Variants in CENPO observed in about 807,000 individuals in gnomAD.
CENPO encodes centromeric protein O.
CENPO carries 30 observed loss-of-function variants against 36.1 expected under a neutral mutation model. The observed-to-expected ratio is 0.83, with a 90% CI of 0.62 to 1.13. CENPO has a LOEUF of 1.13. Ranked by LOEUF, CENPO falls within the 50% of genes most tolerant of loss-of-function variation. The pLI is 0.00. For synonymous variants in CENPO, 171 were observed against 142.3 expected (o/e 1.20, Z -1.44); for missense variants, 349 against 357.8 (o/e 0.98, Z 0.20).
chr2:24,795,125 A>G (rs1665836347), intron 2 of CENPO, among the ~76,000 whole-genome samples: 1 of 152,224 alleles, frequency 6.6e-6, no homozygotes, highest in Non-Finnish European at 1.5e-5. Flanking sequence ...CCTGTTCTCT[A>G]GTCCAGGCCT....
intron 3 of CENPO, among the ~76,000 whole-genome samples, chr2:24,811,607 G>A (rs1334020881): frequency 6.6e-6 from 1 of 152,180 alleles, no homozygotes; most frequent in East Asian, 1.9e-4. Context: ...GACTACAGGC[G>A]CCCGCCACCA....
Position 24,820,951 on chromosome 2 carries a change from AAC to A in CENPO, c.*1637_*1638del. The A allele has an allele frequency of 6.7e-7, 1 of 1,486,148 alleles. No homozygotes were observed. The allele number at this position is 1,486,148 out of a possible 1,614,324, so 92.1% of individuals were successfully genotyped here. A position where few individuals can be genotyped will look rare whatever the true frequency, so the allele number is the denominator to read the frequency against. On this transcript the variant is annotated 3_prime_UTR_variant, in exon 8 of 8. Coordinates refer to ENST00000380834, the MANE Select transcript of CENPO (RefSeq NM_001322101.2). ...ACCTGTACCACAAAGCTCCTAATGTAACACATCATTGTCCTCATTCAACTTGG... is the reference window on the plus strand; with the variant it reads ...ACCTGTACCACAAAGCTCCTAATGTAACATCATTGTCCTCATTCAACTTGG...
Position 24,817,674 on chromosome 2 carries a change from G to C in CENPO, c.771G>C (p.Val257=). The change falls in exon 7 of 8, where the codon GTG becomes GTC. Residue 257 remains valine, a synonymous_variant. Coordinates refer to ENST00000380834, the MANE Select transcript of CENPO (RefSeq NM_001322101.2). The part of the protein sequence containing the change: ...PTDVTVTCQG[V]EVLSTSWEEQ... ...TGATGGAATCTTTCTTTTTAGGAGTGGAAGTATTATCCACTTCATGGGAGG... is the reference window on the plus strand; with the variant it reads ...TGATGGAATCTTTCTTTTTAGGAGTCGAAGTATTATCCACTTCATGGGAGG... The C allele has an allele frequency of 6.2e-7, 1 of 1,614,026 alleles. No individual in the cohort carries two copies. Among genetic ancestry groups the C allele is most frequent in the Non-Finnish European group, 8.5e-7 (1 of 1,180,030 alleles).
At chr2:24,810,417 TA>T (rs1371078269) in intron 3 of CENPO, among the ~76,000 whole-genome samples, 1 of 151,888 alleles carries the variant, frequency 6.6e-6, no homozygotes, top group African/African-American at 2.4e-5. Flanking sequence ...CCCTCATCTT[TA>T]AAACAAAATT....
chr2:24,805,546 C>T lies in CENPO; in HGVS notation c.216+5702C>T, dbSNP rs187430731. On this transcript the variant is annotated intron_variant, in intron 3 of 7. Transcript: ENST00000380834. ...GTTTGTTAGTTTTCCTTCTAACAGT[C>T]GGGACCCTCAGCTGCAGGTCTGTTG... 4.8e-3 allele frequency among the ~76,000 whole-genome samples: 730 copies of T among 152,298 alleles called. 8 individuals carry two copies. Among genetic ancestry groups the T allele is most frequent in the African/African-American group, 0.016 (662 of 41,560 alleles).
In CENPO at chr2:24,815,520, C is replaced by T. The variant is rs1455886774; in HGVS notation, c.358C>T (p.Arg120Ter). Residue 120 changes from arginine (R) to a stop codon, truncating the protein, a stop_gained, in exon 5 of 8, where the codon CGA (arginine) becomes TGA (stop). Coordinates refer to ENST00000380834, the MANE Select transcript of CENPO (RefSeq NM_001322101.2). LOFTEE classifies it high-confidence loss of function. ...AGGCCTCAGTGGTAAACTGACCAGC[C>T]GAGGAGTTTGTGTCTGCATCAGTAC... ...FTGLSGKLTS[R>*]GVCVCISTAF... 4.3e-6 allele frequency: 7 copies of T among 1,613,700 alleles called. No individual in the cohort carries two copies. The highest frequency in any genetic ancestry group is 1.3e-5 in the African/African-American group (1 of 75,000).
intron 3 of CENPO, among the ~76,000 whole-genome samples, chr2:24,812,381 A>G (rs1308327129): frequency 1.3e-5 from 2 of 151,972 alleles, no homozygotes; most frequent in Admixed American, 6.5e-5. Context: ...ATTTTAGATC[A>G]ATGTGGCTAA....
At chr2:24,793,621 A>G in intron 1 of CENPO, 120 bp downstream of exon 1, 2 of 1,424,446 alleles carry the variant, frequency 1.4e-6, no homozygotes, top group Admixed American at 5.6e-5. Context: ...GCTGGACCAG[A>G]GTAGCCGTGG....
At chr2:24,809,453 TAC>T (rs1666576695) in intron 3 of CENPO, among the ~76,000 whole-genome samples, 1 of 152,158 alleles carries the variant, frequency 6.6e-6, no homozygotes, top group Non-Finnish European at 1.5e-5. Flanking sequence ...TTCTCTTAAA[TAC>T]ATTTAAAGTT....
chr2:24,819,888 T>TA lies in CENPO; in HGVS notation c.*573dup. ...CGGGACTTCCTTCAGTTTCAAAAAA[T>TA]AAATTCTCCCTTCCGGTTTGGACTG... On this transcript the variant is annotated 3_prime_UTR_variant, in exon 8 of 8. Coordinates refer to ENST00000380834, the MANE Select transcript of CENPO (RefSeq NM_001322101.2). 1.9e-6 allele frequency: 3 copies of TA among 1,592,444 alleles called. No homozygotes were observed. The highest frequency in any genetic ancestry group is 2.6e-6 in the Non-Finnish European group (3 of 1,168,200).
intron 3 of CENPO, among the ~76,000 whole-genome samples, chr2:24,807,653 A>T (rs796317064): frequency 1.7e-4 from 26 of 152,366 alleles, no homozygotes; most frequent in African/African-American, 6.3e-4. Flanking sequence ...TATATTGGGT[A>T]TATGCCTAGT....
chr2:24,796,322 C>G (rs994606244), intron 2 of CENPO, among the ~76,000 whole-genome samples: 1 of 152,054 alleles, frequency 6.6e-6, no homozygotes, highest in Non-Finnish European at 1.5e-5. Context: ...CCACTGCACT[C>G]CAGCTTGGGC....
Position 24,815,581 on chromosome 2 carries a change from T to C in CENPO, c.419T>C (p.Val140Ala). 1 of 1,614,112 alleles carries C rather than the reference T, an allele frequency of 6.2e-7. No individual in the cohort carries two copies. Among genetic ancestry groups the C allele is most frequent in the Non-Finnish European group, 8.5e-7 (1 of 1,179,936 alleles). ...GGGAACCTATTGGATTCCTATTTTG[T>C]GGACCTTGTCATACAGAAACCACTC... ...FEGNLLDSYF[V>A]DLVIQKPLRI... The change falls in exon 5 of 8, where the codon GTG (valine) becomes GCG (alanine). Residue 140 changes from valine (V) to alanine (A), a missense_variant. Coordinates refer to ENST00000380834, the MANE Select transcript of CENPO (RefSeq NM_001322101.2).
rs760295988 is a variant in CENPO, at chr2:24,820,315, G to C, written c.*997G>C. 3.4e-5 allele frequency: 45 copies of C among 1,304,660 alleles called. No homozygotes were observed. Among genetic ancestry groups the C allele is most frequent in the South Asian group, 6.7e-5 (3 of 44,972 alleles). The allele number at this position is 1,304,660 out of a possible 1,614,324, so 80.8% of individuals were successfully genotyped here. A position where few individuals can be genotyped will look rare whatever the true frequency, so the allele number is the denominator to read the frequency against. ...AGGAGAACCCTGGAGTGACTGGCTG[G>C]GGGCCTCCTCTCATCCAGAGACTTC... On this transcript the variant is annotated 3_prime_UTR_variant, in exon 8 of 8. Coordinates refer to ENST00000380834, the MANE Select transcript of CENPO (RefSeq NM_001322101.2).
Position 24,821,737 on chromosome 2 carries a change from A to C in CENPO, c.*2419A>C. 2.0e-6 allele frequency: 3 copies of C among 1,523,764 alleles called. No homozygotes were observed. Among genetic ancestry groups the C allele is most frequent in the Non-Finnish European group, 2.7e-6 (3 of 1,131,844 alleles). 94.4% of individuals were successfully genotyped at this position (1,523,764 alleles called of 1,614,324 possible). On this transcript the variant is annotated 3_prime_UTR_variant, in exon 8 of 8. Transcript: ENST00000380834. Reference sequence around the variant, plus strand: ...GCAGTGTTCTGGGGGTGGATTCCCTACACCTAGATGTTCAAGGCCTTACTT... The same window carrying C: ...GCAGTGTTCTGGGGGTGGATTCCCTCCACCTAGATGTTCAAGGCCTTACTT...
chr2:24,800,507 T>G (rs1334515482), intron 3 of CENPO, among the ~76,000 whole-genome samples: 2 of 119,074 alleles, frequency 1.7e-5, no homozygotes, highest in Admixed American at 1.1e-4. Context: ...CCCCGGTGTG[T>G]GATGTTCCCC....
At chr2:24,813,444 T>C (rs1183190457) in intron 3 of CENPO, among the ~76,000 whole-genome samples, 2 of 152,098 alleles carry the variant, frequency 1.3e-5, no homozygotes, top group Non-Finnish European at 2.9e-5. Context: ...GGGAGTGTGT[T>C]GGAGATGGGT....
At chr2:24,808,293 C>T (rs1236347571) in intron 3 of CENPO, among the ~76,000 whole-genome samples, 1 of 152,132 alleles carries the variant, frequency 6.6e-6, no homozygotes, top group African/African-American at 2.4e-5. Context: ...CCGGCACCCT[C>T]CACCTCCTGG....
intron 2 of CENPO, among the ~76,000 whole-genome samples, chr2:24,798,975 C>CTTTTTTTTTT (rs70947846): frequency 8.7e-6 from 1 of 114,528 alleles, no homozygotes; most frequent in African/African-American, 4.0e-5. Context: ...CTGGGGCTTC[C>CTTTTTTTTTT]TTTTTTTTTT....
Sources: allele counts gnomAD v4.1 joint callset (sites outside exome capture counted in the v4.1 genomes callset), GRCh38; gene constraint gnomAD v4.1.1; transcripts MANE v1.5; gene names NCBI Gene and HGNC (gene_info 2026-07-23, HGNC 2026-07-21).